Variants in ATR observed in about 807,000 individuals in gnomAD.
ATR encodes ATR checkpoint kinase.
ATR carries 142 observed loss-of-function variants against 305.3 expected under a neutral mutation model. The observed-to-expected ratio is 0.47, with a 90% CI of 0.41 to 0.53. The LOEUF (loss-of-function observed/expected upper bound fraction) is 0.53, where lower values mean the gene tolerates loss of function less well. Ranked by LOEUF, ATR falls within the 20% of genes least tolerant of loss-of-function variation. ATR has a pLI of 0.00. For missense variants in ATR, 2,135 were observed against 3,133.1 expected, an observed-to-expected ratio of 0.68 and a Z score of 7.60; for synonymous variants, 1,050 against 1,068.1, an observed-to-expected ratio of 0.98 and a Z score of 0.33.
intron 15 of ATR, 93 bp from the exon 16 acceptor site, chr3:142,548,003 G>A (rs2034337535): frequency 1.8e-6 from 2 of 1,101,204 alleles, no homozygotes; most frequent in Admixed American, 1.9e-5. Flanking sequence ...AGTACATCAG[G>A]AGCTCTAGCC....
At position 142,502,596 on chromosome 3, in the gene ATR, A is replaced by G. The variant is rs529966324; in HGVS notation, c.5288+766T>C. Among the ~76,000 whole-genome samples the G allele has an allele frequency of 4.1e-3, 630 of 152,254 alleles. 12 individuals are homozygous for G. The highest frequency in any genetic ancestry group is 0.015 in the African/African-American group (611 of 41,552). Reference sequence around the variant, plus strand: ...ATATGCCCTTGTCACTAACTTGCACATGTACCCTCAGAATCTAAAATAAAA... The same window carrying G: ...ATATGCCCTTGTCACTAACTTGCACGTGTACCCTCAGAATCTAAAATAAAA... On this transcript the variant is annotated intron_variant, in intron 30 of 46. Coordinates refer to ENST00000350721, the MANE Select transcript of ATR (RefSeq NM_001184.4).
intron 32 of ATR, 91 bp from the exon 33 acceptor site, chr3:142,497,283 G>A: frequency 1.5e-6 from 2 of 1,321,574 alleles, no homozygotes; most frequent in Non-Finnish European, 2.1e-6. Context: ...CAGAAATAAA[G>A]AATTTAAAAT....
rs1000224435 is a variant in ATR, at chr3:142,543,596, CCT to C, written c.3358-841_3358-840del. 4.0e-5 allele frequency among the ~76,000 whole-genome samples: 6 copies of C among 151,458 alleles called. 1 individual carries two copies. The highest frequency in any genetic ancestry group is 1.3e-4 in the Admixed American group (2 of 15,174). On this transcript the variant is annotated intron_variant, in intron 16 of 46. Transcript: ENST00000350721. ...CCCTCTTTCTTTTTCTTTCTTTCCT[CCT>C]CTTTTTTCTTAGAGTTCCTTCCTTC...
chr3:142,549,735 TA>T (rs1036211964), intron 14 of ATR, 62 bp from the exon 15 acceptor site: 2 of 1,488,814 alleles, frequency 1.3e-6, no homozygotes, highest in African/African-American at 1.4e-5. Context: ...AATATTCACA[TA>T]AGCTATGTGC....
intron 27 of ATR, among the ~76,000 whole-genome samples, chr3:142,508,316 G>C (rs1014214151): frequency 2.6e-5 from 4 of 152,114 alleles, no homozygotes; most frequent in Admixed American, 6.5e-5. Flanking sequence ...TCTTTGGACA[G>C]TCATTTAATT....
chr3:142,469,293 T>C (rs1406263209), intron 38 of ATR, 44 bp downstream of exon 38: 8 of 1,500,144 alleles, frequency 5.3e-6, no homozygotes, highest in Non-Finnish European at 7.4e-6. Context: ...TCATATAAAA[T>C]GGTAAAAGAT....
intron 24 of ATR, 76 bp downstream of exon 24, chr3:142,519,593 C>T (rs1289341973): frequency 7.7e-7 from 1 of 1,293,298 alleles, no homozygotes; most frequent in Non-Finnish European, 1.1e-6. Flanking sequence ...AGCCACTGCA[C>T]CCGGCCAAAA....
At chr3:142,482,977 C>T (rs1224409464) in intron 36 of ATR, among the ~76,000 whole-genome samples, 4 of 149,944 alleles carry the variant, frequency 2.7e-5, no homozygotes, top group African/African-American at 5.0e-5. Context: ...AGAACATATG[C>T]CCCCTTTCTT....
At chr3:142,521,028 G>A (rs1224952193) in intron 23 of ATR, among the ~76,000 whole-genome samples, 4 of 152,074 alleles carry the variant, frequency 2.6e-5, no homozygotes, top group South Asian at 4.1e-4. Flanking sequence ...GCTCATTGAC[G>A]ATTCCATACA....
intron 10 of ATR, 151 bp downstream of exon 10, chr3:142,555,726 A>AT (rs1175165625): frequency 2.7e-5 from 26 of 975,204 alleles, no homozygotes; most frequent in South Asian, 3.8e-5. Context: ...AATACCAGTT[A>AT]TCCCATTTAT....
At chr3:142,546,929 T>C (rs1019306413) in intron 16 of ATR, among the ~76,000 whole-genome samples, 2 of 152,150 alleles carry the variant, frequency 1.3e-5, no homozygotes, top group Non-Finnish European at 2.9e-5. Flanking sequence ...TTAATGAACT[T>C]ATGTCTAGTA....
At chr3:142,566,423 A>G (rs1660133369) in intron 2 of ATR, among the ~76,000 whole-genome samples, 162 bp from the exon 3 acceptor site, 1 of 152,122 alleles carries the variant, frequency 6.6e-6, no homozygotes, top group African/African-American at 2.4e-5. Flanking sequence ...ACTCAAGACC[A>G]GCCTGGATAA....
At chr3:142,531,233 AGTTTTATTTTATTTT>A (rs1479909635) in intron 21 of ATR, among the ~76,000 whole-genome samples, 1 of 146,744 alleles carries the variant, frequency 6.8e-6, no homozygotes, top group African/African-American at 2.5e-5. Flanking sequence ...AGTCTCTAGC[AGTTTTATTTTATTTT>A]ATTTTATTTT....
chr3:142,453,890 A>C (rs1385243792), intron 45 of ATR, among the ~76,000 whole-genome samples: 1 of 152,154 alleles, frequency 6.6e-6, no homozygotes, highest in Non-Finnish European at 1.5e-5. Flanking sequence ...TATCCAGTAC[A>C]CCATCATCCT....
intron 35 of ATR, among the ~76,000 whole-genome samples, chr3:142,490,196 C>T (rs1357453340): frequency 6.6e-6 from 1 of 152,176 alleles, no homozygotes; most frequent in African/African-American, 2.4e-5. Flanking sequence ...ATAGCTAAAA[C>T]TATAGGCATT....
chr3:142,554,794 T>C (rs1232989335), intron 10 of ATR, among the ~76,000 whole-genome samples: 1 of 151,500 alleles, frequency 6.6e-6, no homozygotes, highest in East Asian at 2.0e-4. Context: ...TAGTGGCACA[T>C]ACTATGGTTC....
intron 35 of ATR, among the ~76,000 whole-genome samples, chr3:142,485,665 T>C (rs1291446394): frequency 6.6e-6 from 1 of 152,188 alleles, no homozygotes; most frequent in African/African-American, 2.4e-5. Context: ...AAGGCATTTT[T>C]AAAAATCTTC....
chr3:142,479,512 C>T (rs894505685), intron 36 of ATR, among the ~76,000 whole-genome samples: 1 of 152,168 alleles, frequency 6.6e-6, no homozygotes, highest in Admixed American at 6.5e-5. Flanking sequence ...TCTCTGGCTG[C>T]CCTTAACGTT....
At chr3:142,549,776 G>A (rs943331457) in intron 14 of ATR, 103 bp from the exon 15 acceptor site, 8 of 1,028,990 alleles carry the variant, frequency 7.8e-6, no homozygotes, top group Middle Eastern at 2.0e-4. Context: ...ACACATATTT[G>A]GAGTCCACTC....
Sources: allele counts gnomAD v4.1 joint callset (sites outside exome capture counted in the v4.1 genomes callset), GRCh38; gene constraint gnomAD v4.1.1; transcripts MANE v1.5; gene names NCBI Gene and HGNC (gene_info 2026-07-23, HGNC 2026-07-21).